TDO2: variants seen among roughly 807,000 people sequenced by gnomAD.
TDO2 encodes the protein tryptophan 2,3-dioxygenase.
TDO2 carries 63 observed loss-of-function variants against 61.2 expected under a neutral mutation model. The ratio of observed to expected loss-of-function variants is 1.03; its 90% CI spans 0.84 to 1.27. The LOEUF is 1.27. TDO2 is among the 50% of genes most tolerant of loss of function. TDO2 has a pLI of 0.00. For synonymous variants in TDO2, 183 were observed against 164.0 expected (o/e 1.12, Z -0.89); for missense variants, 494 against 469.5 (o/e 1.05, Z -0.48).
chr4:155,919,181 T>C (rs556683321), intron 11 of TDO2, among the ~76,000 whole-genome samples: 1 of 152,310 alleles, frequency 6.6e-6, no homozygotes, highest in Admixed American at 6.5e-5. Flanking sequence ...AAGTTTTCAT[T>C]TTATAGAGTT....
intron 7 of TDO2, among the ~76,000 whole-genome samples, chr4:155,913,472 C>A (rs1011314171): frequency 2.0e-5 from 3 of 152,044 alleles, no homozygotes; most frequent in East Asian, 3.9e-4. Context: ...TTAGAAAGGT[C>A]TTTCCTAAAC....
intron 3 of TDO2, chr4:155,905,945 T>C (rs1237868584): frequency 6.6e-6 from 1 of 152,198 alleles, no homozygotes; most frequent in Non-Finnish European, 1.5e-5. Context: ...ACTGGCTTAA[T>C]GTGTCAGTTC....
At chr4:155,918,569 C>T (rs1490765492) in intron 11 of TDO2, among the ~76,000 whole-genome samples, 1 of 152,172 alleles carries the variant, frequency 6.6e-6, no homozygotes, top group Non-Finnish European at 1.5e-5. Flanking sequence ...CAGACTAAAA[C>T]ATTTATCATT....
intron 2 of TDO2, among the ~76,000 whole-genome samples, chr4:155,904,494 C>A (rs1329124134): frequency 6.6e-6 from 1 of 152,130 alleles, no homozygotes; most frequent in Non-Finnish European, 1.5e-5. Flanking sequence ...TCCTTTAAAT[C>A]TCTTATCATG....
chr4:155,918,528 G>T (rs1742986187), intron 11 of TDO2, among the ~76,000 whole-genome samples: 2 of 152,186 alleles, frequency 1.3e-5, no homozygotes, highest in Admixed American at 1.3e-4. Context: ...AGGCAGAAAA[G>T]TCTTCAACTC....
At chr4:155,908,245 G>T (rs1315948485) in intron 4 of TDO2, among the ~76,000 whole-genome samples, 1 of 152,138 alleles carries the variant, frequency 6.6e-6, no homozygotes, top group African/African-American at 2.4e-5. Flanking sequence ...GGGGAATGGG[G>T]CAATGGGGAA....
chr4:155,915,767 C>A, intron 8 of TDO2, 88 bp from the exon 9 acceptor site: 2 of 1,030,814 alleles, frequency 1.9e-6, no homozygotes, highest in African/African-American at 1.7e-5. Flanking sequence ...ACATGTAATC[C>A]ATTAAATTTT....
At chr4:155,909,490 A>C (rs1742778606) in intron 5 of TDO2, among the ~76,000 whole-genome samples, 3 of 152,192 alleles carry the variant, frequency 2.0e-5, no homozygotes, top group African/African-American at 7.2e-5. Context: ...AAAGTTTAAG[A>C]AACTTCCATT....
At position 155,917,424 on chromosome 4, in the gene TDO2, A is replaced by T; in HGVS notation, c.926A>T (p.Gln309Leu). ...REEPRFQVPFQLLTSLMDIDS... is the reference protein window; with the variant it reads ...REEPRFQVPFLLLTSLMDIDS... ...GAGCCTAGGTTCCAGGTGCCTTTTC[A>T]GTTGCTGACTTCTCTTATGGACATA... is the stretch of plus-strand genomic sequence containing the variant. The change falls in exon 10 of 12, where the codon CAG (glutamine) becomes CTG (leucine). Residue 309 changes from glutamine to leucine, a missense_variant. By Grantham distance (113) the Gln-to-Leu change is moderately radical. Coordinates refer to ENST00000536354, the MANE Select transcript of TDO2 (RefSeq NM_005651.4). The T allele has an allele frequency of 6.2e-7, 1 of 1,610,500 alleles. No homozygotes were observed. Among genetic ancestry groups the T allele is most frequent in the Non-Finnish European group, 8.5e-7 (1 of 1,178,670 alleles).
In TDO2 at chr4:155,917,493, C is replaced by T. The variant is rs368385974; in HGVS notation, c.976+19C>T. 1.1e-5 allele frequency: 17 copies of T among 1,587,850 alleles called. No homozygotes were observed. In the African/African-American group the frequency reaches 1.8e-4, roughly 16 times the overall value. The stretch of plus-strand genomic sequence containing the variant: ...TGGAGATGTAAGTCCTTCCCACTCA[C>T]CCCATGTTGCTTCCCCACATGCTGT... On this transcript the variant is annotated intron_variant, in intron 10 of 11. Coordinates refer to ENST00000536354, the MANE Select transcript of TDO2 (RefSeq NM_005651.4).
At chr4:155,916,514 A>G (rs1742940531) in intron 9 of TDO2, among the ~76,000 whole-genome samples, 2 of 151,836 alleles carry the variant, frequency 1.3e-5, no homozygotes, top group Non-Finnish European at 2.9e-5. Flanking sequence ...AGACTCACTC[A>G]TGAAATGTGT....
At position 155,920,160 on chromosome 4, in the gene TDO2, A is replaced by G. The variant is rs1301607167; in HGVS notation, c.*170A>G. On this transcript the variant is annotated 3_prime_UTR_variant, in exon 12 of 12. Coordinates refer to ENST00000536354, the MANE Select transcript of TDO2 (RefSeq NM_005651.4). ...TTACCTCTTGTTTGTGACAAGACTA[A>G]GCATTAAGATGAGAAAGAATACATT... 8.0e-6 allele frequency: 5 copies of G among 621,414 alleles called. No homozygotes were observed. In the Admixed American group the frequency reaches 1.0e-4, roughly 13 times the overall value. The allele number at this position is 621,414 out of a possible 1,614,324, so 38.5% of individuals were successfully genotyped here. A position where few individuals can be genotyped will look rare whatever the true frequency, so the allele number is the denominator to read the frequency against.
At chr4:155,911,706 T>C (rs899452639) in intron 7 of TDO2, 102 bp downstream of exon 7, 8 of 761,386 alleles carry the variant, frequency 1.1e-5, no homozygotes, top group Non-Finnish European at 1.6e-5. Flanking sequence ...CTTTCTCATA[T>C]TTTTTTCTTA....
chr4:155,905,713 G>A (rs1560774772), intron 3 of TDO2: 3 of 151,982 alleles, frequency 2.0e-5, no homozygotes, highest in Non-Finnish European at 4.4e-5. Flanking sequence ...ATCTTAAAGA[G>A]GTCTGTGACC....
At chr4:155,914,229 G>A (rs1475345167) in intron 7 of TDO2, 94 bp from the exon 8 acceptor site, 2 of 797,796 alleles carry the variant, frequency 2.5e-6, no homozygotes, top group African/African-American at 3.6e-5. Context: ...CATCATTTCT[G>A]CAACCATAAG....
Position 155,907,567 on chromosome 4 carries a change from A to G in TDO2, c.233-155A>G, listed in dbSNP as rs1019941123. The G allele has an allele frequency of 1.0e-5, 6 of 576,704 alleles. No homozygotes were observed. In the South Asian group the frequency reaches 1.4e-4, roughly 14 times the overall value. 35.7% of individuals were successfully genotyped at this position (576,704 alleles called of 1,614,324 possible). A position where few individuals can be genotyped will look rare whatever the true frequency, so the allele number is the denominator to read the frequency against. The stretch of plus-strand genomic sequence containing the variant: ...AGGCTATTACAACTTTAACACTAAC[A>G]TTTATTTCTGGCACACAATGGGACT... On this transcript the variant is annotated intron_variant, in intron 3 of 11. Coordinates refer to ENST00000536354, the MANE Select transcript of TDO2 (RefSeq NM_005651.4).
In TDO2 at chr4:155,905,070, G is replaced by A; in HGVS notation, c.145G>A (p.Glu49Lys). ...GLIYGNYLHL[E>K]KVLNAQELQS... ...GCTTTTTATTTTTCATTTCAAGTTG[G>A]AAAAAGTTTTGAATGCACAAGAACT... Residue 49 changes from glutamate to lysine, a missense_variant, in exon 3 of 12, where the codon GAA becomes AAA. Glu to Lys is a moderately conservative substitution (Grantham distance 56). Transcript: ENST00000536354. 2 of 1,578,398 alleles carry A rather than the reference G, an allele frequency of 1.3e-6. No homozygotes were observed. Among genetic ancestry groups the A allele is most frequent in the Non-Finnish European group, 1.7e-6 (2 of 1,166,974 alleles).
At chr4:155,907,501 T>G in intron 3 of TDO2, 1 of 482,552 alleles carries the variant, frequency 2.1e-6, no homozygotes, top group Non-Finnish European at 3.6e-6. Flanking sequence ...ATATGAAGCA[T>G]TAGGTAACAT....
chr4:155,918,309 G>C (rs1407572922), intron 11 of TDO2, 70 bp downstream of exon 11: 4 of 1,501,460 alleles, frequency 2.7e-6, no homozygotes, highest in Admixed American at 3.5e-5. Context: ...CTATACATTT[G>C]CTATCTAAAA....
Sources: allele counts gnomAD v4.1 joint callset (sites outside exome capture counted in the v4.1 genomes callset), GRCh38; gene constraint gnomAD v4.1.1; transcripts MANE v1.5; gene names NCBI Gene and HGNC (gene_info 2026-07-23, HGNC 2026-07-21).